PTPN11: variants seen among roughly 807,000 people sequenced by gnomAD.
The protein encoded by PTPN11 is protein tyrosine phosphatase non-receptor type 11.
PTPN11 carries 6 observed loss-of-function variants against 78.8 expected under a neutral mutation model. That is an observed-to-expected ratio of 0.08 (90% confidence interval 0.04 to 0.15). PTPN11 has a LOEUF of 0.15. PTPN11 is among the 10% of genes least tolerant of loss of function. The pLI is 1.00. For synonymous variants in PTPN11, 221 were observed against 263.5 expected (o/e 0.84, Z 1.56); for missense variants, 386 against 744.8 (o/e 0.52, Z 5.61).
chr12:112,503,015 T>C (rs2038894455), intron 14 of PTPN11, among the ~76,000 whole-genome samples: 1 of 152,218 alleles, frequency 6.6e-6, no homozygotes, highest in East Asian at 1.9e-4. Context: ...AAATCTACTT[T>C]GGGTGTTTAA....
At chr12:112,491,171 C>G (rs947865128) in intron 13 of PTPN11, among the ~76,000 whole-genome samples, 2 of 151,358 alleles carry the variant, frequency 1.3e-5, no homozygotes, top group African/African-American at 4.9e-5. Flanking sequence ...AAAGTGCAAA[C>G]GAAGCAAGAT....
intron 6 of PTPN11, among the ~76,000 whole-genome samples, chr12:112,468,850 G>A (rs898553415): frequency 5.9e-5 from 9 of 152,216 alleles, no homozygotes; most frequent in African/African-American, 2.2e-4. Flanking sequence ...GAGGGCTGGA[G>A]TCCTTGAGTG....
intron 7 of PTPN11, among the ~76,000 whole-genome samples, chr12:112,475,968 A>AT: frequency 6.6e-6 from 1 of 151,620 alleles, no homozygotes; most frequent in Non-Finnish European, 1.5e-5. Flanking sequence ...TTTGGAATTT[A>AT]TTTTTTCAAT....
At position 112,506,705 on chromosome 12, in the gene PTPN11, G is replaced by A. The variant is rs1361049689; in HGVS notation, c.*913G>A. ...AGCTGGGCTGTTCTTCTGCCAGCCT[G>A]CAGGTGGCCACTCATGTGGTCAGCA... On this transcript the variant is annotated 3_prime_UTR_variant, in exon 16 of 16. Coordinates refer to ENST00000351677, the MANE Select transcript of PTPN11 (RefSeq NM_002834.5). 6.6e-6 allele frequency: 1 copy of A among 152,358 alleles called. No individual in the cohort carries two copies. The highest frequency in any genetic ancestry group is 1.5e-5 in the Non-Finnish European group (1 of 68,168). 9.4% of individuals were successfully genotyped at this position (152,358 alleles called of 1,614,324 possible). A position where few individuals can be genotyped will look rare whatever the true frequency, so the allele number is the denominator to read the frequency against.
intron 13 of PTPN11, among the ~76,000 whole-genome samples, chr12:112,500,968 G>A (rs1028756188): frequency 5.9e-5 from 9 of 151,932 alleles, no homozygotes; most frequent in Non-Finnish European, 8.8e-5. Flanking sequence ...GCAGTGGTGC[G>A]ATCATAGCTT....
At chr12:112,427,649 G>A (rs1355937819) in intron 1 of PTPN11, among the ~76,000 whole-genome samples, 1 of 151,934 alleles carries the variant, frequency 6.6e-6, no homozygotes, top group African/African-American at 2.4e-5. Flanking sequence ...GGGCTGGCAG[G>A]TTTTGCAGGT....
At chr12:112,449,295 G>A (rs574656) in intron 2 of PTPN11, among the ~76,000 whole-genome samples, 1 of 151,182 alleles carries the variant, frequency 6.6e-6, no homozygotes, top group African/African-American at 2.4e-5. Flanking sequence ...CATGAGGTCA[G>A]GAGACCAATA....
At position 112,508,785 on chromosome 12, in the gene PTPN11, C is replaced by T. The variant is rs1257224596; in HGVS notation, c.*2993C>T. ...TTCTGAAACTTATGGTCATCTCTCC[C>T]ACTGAAACCAAGGTCTTTTCAAATG... On this transcript the variant is annotated 3_prime_UTR_variant, in exon 16 of 16. Transcript: ENST00000351677. 1.3e-5 allele frequency: 2 copies of T among 152,102 alleles called. No individual in the cohort carries two copies. Among genetic ancestry groups the T allele is most frequent in the East Asian group, 1.9e-4 (1 of 5,200 alleles). The allele number at this position is 152,102 out of a possible 1,614,324, so 9.4% of individuals were successfully genotyped here.
chr12:112,431,804 A>G (rs1176169812), intron 1 of PTPN11, among the ~76,000 whole-genome samples: 1 of 152,236 alleles, frequency 6.6e-6, no homozygotes, highest in Non-Finnish European at 1.5e-5. Context: ...TCCACCACAC[A>G]ACATTGCTGT....
chr12:112,469,772 C>T (rs2038385117), intron 6 of PTPN11, among the ~76,000 whole-genome samples: 5 of 152,140 alleles, frequency 3.3e-5, no homozygotes, highest in Non-Finnish European at 7.3e-5. Context: ...ACCTTGGCCT[C>T]CCAAAGTGCT....
chr12:112,464,959 A>T (rs2038303733), intron 6 of PTPN11, among the ~76,000 whole-genome samples: 1 of 152,184 alleles, frequency 6.6e-6, no homozygotes, highest in African/African-American at 2.4e-5. Flanking sequence ...ATGTAAAGAG[A>T]TGGATAATAT....
chr12:112,453,646 G>GTTTTT (rs376601242), intron 4 of PTPN11, among the ~76,000 whole-genome samples: 1 of 116,580 alleles, frequency 8.6e-6, no homozygotes. Context: ...CAGATTTTCT[G>GTTTTT]TTTTTTTTTT....
intron 2 of PTPN11, among the ~76,000 whole-genome samples, chr12:112,447,607 C>T (rs1017280192): frequency 1.3e-5 from 2 of 151,708 alleles, no homozygotes; most frequent in African/African-American, 2.4e-5. Flanking sequence ...TCAAGCTATT[C>T]TCCTGTCTCA....
chr12:112,450,106 A>G (rs1306454269), intron 2 of PTPN11, among the ~76,000 whole-genome samples: 1 of 151,964 alleles, frequency 6.6e-6, no homozygotes, highest in Non-Finnish European at 1.5e-5. Context: ...AAAAAAAGAT[A>G]TGCAAGGTAA....
At chr12:112,463,257 A>C (rs1225177023) in intron 6 of PTPN11, among the ~76,000 whole-genome samples, 2 of 151,972 alleles carry the variant, frequency 1.3e-5, no homozygotes, top group Non-Finnish European at 2.9e-5. Context: ...AAGAGAAGAA[A>C]AAAAAAAGAG....
intron 13 of PTPN11, among the ~76,000 whole-genome samples, chr12:112,491,283 A>G (rs1040590274): frequency 2.2e-4 from 33 of 152,156 alleles, no homozygotes; most frequent in Admixed American, 1.4e-3. Context: ...AAAAAAAAAA[A>G]AAAACCCTCA....
In PTPN11 at chr12:112,476,047, C is replaced by T. The variant is rs528055179; in HGVS notation, c.854-1604C>T. Among the ~76,000 whole-genome samples, 6 of 152,240 alleles carry T rather than the reference C, an allele frequency of 3.9e-5. No individual in the cohort carries two copies. The East Asian group carries it at 1.2e-3, about 29-fold the overall frequency. On this transcript the variant is annotated intron_variant, in intron 7 of 15. Transcript: ENST00000351677. ...CTTGACCTCCTGGGCCCAAACTATC[C>T]TCCTGCCTTGGCTTCCCAAAGTGCC... is the stretch of plus-strand genomic sequence containing the variant.
In PTPN11 at chr12:112,482,034, G is replaced by A; in HGVS notation, c.1093-40G>A. ...TGCTTGTTTAGGCTTTTATTTCAGAGTTCACAGAATTAACTTTCTTTTTTT... is the reference window on the plus strand; with the variant it reads ...TGCTTGTTTAGGCTTTTATTTCAGAATTCACAGAATTAACTTTCTTTTTTT... On this transcript the variant is annotated intron_variant, in intron 9 of 15. Transcript: ENST00000351677. The surrounding 1 kb of genome is among the most constrained non-coding windows in gnomAD (Gnocchi z 4.4). 1 of 1,527,226 alleles carries A rather than the reference G, an allele frequency of 6.5e-7. No individual in the cohort carries two copies. 94.6% of individuals were successfully genotyped at this position (1,527,226 alleles called of 1,614,324 possible).
chr12:112,456,180 A>G, intron 6 of PTPN11, 117 bp downstream of exon 6: 1 of 743,726 alleles, frequency 1.3e-6, no homozygotes, highest in Non-Finnish European at 2.4e-6. Context: ...GTCCTTTTTT[A>G]ATTCGGCCAT....
Sources: allele counts gnomAD v4.1 joint callset (sites outside exome capture counted in the v4.1 genomes callset), GRCh38; gene constraint gnomAD v4.1.1; non-coding constraint Gnocchi (gnomAD v3.1); transcripts MANE v1.5; gene names NCBI Gene and HGNC (gene_info 2026-07-23, HGNC 2026-07-21).